HDAC9: variants seen among roughly 807,000 people sequenced by gnomAD.
HDAC9 encodes the protein MEF-2 interacting transcription repressor (MITR) protein.
HDAC9 carries 41 observed loss-of-function variants against 139.4 expected under a neutral mutation model. The observed-to-expected ratio is 0.29, with a 90% confidence interval of 0.23 to 0.38. The LOEUF is 0.38. Among genes scored for constraint, HDAC9 ranks in the 10% least tolerant of loss-of-function variants. The pLI is 1.00. For missense variants in HDAC9, 1,147 were observed against 1,297.0 expected (o/e 0.88, Z 1.78); for synonymous variants, 517 against 476.2 (o/e 1.09, Z -1.12).
chr7:18,991,494 A>G (rs1028917366), intron 25 of HDAC9, among the ~76,000 whole-genome samples: 33 of 152,098 alleles, frequency 2.2e-4, no homozygotes, highest in Admixed American at 2.6e-4. Flanking sequence ...AAAATTAGCC[A>G]GGTGTGGTGG....
chr7:18,584,081 A>C (rs1001051875), intron 2 of HDAC9, among the ~76,000 whole-genome samples: 1 of 150,742 alleles, frequency 6.6e-6, no homozygotes, highest in Non-Finnish European at 1.5e-5. Flanking sequence ...TAAATGGTAC[A>C]CCTGGATATC....
chr7:18,481,703 G>C (rs1563031639), intron 1 of HDAC9, among the ~76,000 whole-genome samples: 1 of 152,192 alleles, frequency 6.6e-6, no homozygotes. Flanking sequence ...TTCCTATATA[G>C]TTAAAGCAAA....
chr7:18,707,383 G>C lies in HDAC9; in HGVS notation c.1732-20197G>C, dbSNP rs1202043624. On this transcript the variant is annotated intron_variant, in intron 12 of 25. Transcript: ENST00000686413. Reference sequence around the variant, plus strand: ...AGAAGTCAATGTGGGGAGATAAAAAGTGTGGATTTATCTTCAGGAGGAATG... The same window carrying C: ...AGAAGTCAATGTGGGGAGATAAAAACTGTGGATTTATCTTCAGGAGGAATG... Among the ~76,000 whole-genome samples the C allele has an allele frequency of 3.3e-5, 5 of 152,324 alleles. No individual in the cohort carries two copies. The South Asian group carries it at 1.0e-3, about 32-fold the overall frequency.
chr7:18,768,933 T>C (rs1393324824), intron 16 of HDAC9, among the ~76,000 whole-genome samples: 1 of 152,196 alleles, frequency 6.6e-6, no homozygotes, highest in East Asian at 1.9e-4. Flanking sequence ...TATTATAAAA[T>C]AGGCTTTGTG....
chr7:18,174,990 C>T (rs1788767788), intron 2 of HDAC9, among the ~76,000 whole-genome samples: 1 of 152,202 alleles, frequency 6.6e-6, no homozygotes, highest in South Asian at 2.1e-4. Context: ...TCTCTTCAGG[C>T]CTGTCAGAAG....
rs544409454 is a variant in HDAC9, at chr7:18,503,062, A to AT, written c.22+6746dup. 8.5e-5 allele frequency among the ~76,000 whole-genome samples: 13 copies of AT among 152,114 alleles called. No individual in the cohort carries two copies. The South Asian group carries it at 1.7e-3, about 19-fold the overall frequency. ...GGAATGATAAGCACTACATTTTAAC[A>AT]TTTTTTTTCTGAATTTGAATGCTTT... On this transcript the variant is annotated intron_variant, in intron 2 of 25. Coordinates refer to ENST00000686413, the MANE Select transcript of HDAC9 (RefSeq NM_178425.4).
intron 2 of HDAC9, among the ~76,000 whole-genome samples, chr7:18,514,858 G>A (rs1802669734): frequency 6.6e-6 from 1 of 151,978 alleles, no homozygotes; most frequent in South Asian, 2.1e-4. Flanking sequence ...GAGGTGGGAG[G>A]GTTGCTTGAG....
In HDAC9 at chr7:18,326,693, A is replaced by G. The variant is rs150686314; in HGVS notation, c.-42+36178A>G. On this transcript the variant is annotated intron_variant, in intron 1 of 3. Coordinates refer to the HDAC9 transcript ENST00000413509. ...AATTATTGAGATTTTTAAAAACTCT[A>G]TTAGTGCTAGCTAAGACTTGTTTAC... 6.3e-4 allele frequency among the ~76,000 whole-genome samples: 96 copies of G among 152,144 alleles called. No homozygotes were observed. In the East Asian group the frequency reaches 0.016, roughly 26 times the overall value.
chr7:18,286,722 C>T (rs957040798), upstream of HDAC9, among the ~76,000 whole-genome samples: 2 of 151,988 alleles, frequency 1.3e-5, no homozygotes, highest in Non-Finnish European at 2.9e-5. Flanking sequence ...CATCATGACT[C>T]ATCTTCTAAT....
At chr7:18,988,257 G>A (rs995387403) in intron 25 of HDAC9, among the ~76,000 whole-genome samples, 3 of 152,044 alleles carry the variant, frequency 2.0e-5, no homozygotes, top group African/African-American at 7.2e-5. Flanking sequence ...ATTCGGGTAT[G>A]TTGTGTCTTT....
At chr7:18,507,634 C>T (rs972021034) in intron 2 of HDAC9, among the ~76,000 whole-genome samples, 8 of 152,026 alleles carry the variant, frequency 5.3e-5, no homozygotes, top group African/African-American at 1.7e-4. Flanking sequence ...TGGGATTACA[C>T]GCATGTGCCA....
intron 1 of HDAC9, among the ~76,000 whole-genome samples, chr7:18,132,678 A>G (rs538349135): frequency 6.6e-6 from 1 of 152,280 alleles, no homozygotes; most frequent in South Asian, 2.1e-4. Context: ...TGTTCCTTCA[A>G]CTAAGTTTAT....
At chr7:18,976,061 A>G (rs1025906804) in intron 25 of HDAC9, 108 bp downstream of exon 25, 7 of 1,147,856 alleles carry the variant, frequency 6.1e-6, no homozygotes, top group Non-Finnish European at 8.7e-6. Flanking sequence ...CTCCACTTCC[A>G]CCACCTGTCC....
At chr7:18,727,466 AC>A in intron 12 of HDAC9, 113 bp from the exon 13 acceptor site, 1 of 830,240 alleles carries the variant, frequency 1.2e-6, no homozygotes, top group East Asian at 3.1e-5. Context: ...TTTTTCCTTC[AC>A]ACCGTTTATT....
At position 18,634,732 on chromosome 7, in the gene HDAC9, C is replaced by T. The variant is rs1330288897; in HGVS notation, c.902C>T (p.Pro301Leu). Residue 301 changes from proline to leucine, a missense_variant, in exon 8 of 26, where the codon CCT (proline) becomes CTT (leucine). Physicochemically the swap from Pro to Leu is moderately conservative, Grantham distance 98. Transcript: ENST00000686413. ...ENETSVLPPTPHAEQMVSQQR... is the reference protein window; with the variant it reads ...ENETSVLPPTLHAEQMVSQQR... ...GAGACTTCGGTTTTGCCCCCTACCCCTCATGCCGAGGTAAGACCCTTATTA... is the reference window on the plus strand; with the variant it reads ...GAGACTTCGGTTTTGCCCCCTACCCTTCATGCCGAGGTAAGACCCTTATTA... 2 of 1,589,124 alleles carry T rather than the reference C, an allele frequency of 1.3e-6. No individual in the cohort carries two copies. Among genetic ancestry groups the T allele is most frequent in the Non-Finnish European group, 1.7e-6 (2 of 1,165,316 alleles).
intron 6 of HDAC9, among the ~76,000 whole-genome samples, chr7:18,603,064 A>G (rs1269725116): frequency 6.6e-6 from 1 of 152,088 alleles, no homozygotes; most frequent in Non-Finnish European, 1.5e-5. Context: ...CACCACTTTT[A>G]TCTTCGATAA....
At chr7:18,853,913 G>T (rs1436483704) in intron 21 of HDAC9, among the ~76,000 whole-genome samples, 1 of 152,066 alleles carries the variant, frequency 6.6e-6, no homozygotes, top group Non-Finnish European at 1.5e-5. Context: ...CACATGTCTG[G>T]TTATCTTAAG....
At chr7:18,788,481 G>A (rs1053534810) in intron 16 of HDAC9, among the ~76,000 whole-genome samples, 11 of 152,084 alleles carry the variant, frequency 7.2e-5, no homozygotes, top group Admixed American at 3.3e-4. Context: ...TTGGCTGAAC[G>A]CGGTGGTTCA....
Position 19,002,076 on chromosome 7 carries a change from C to T in HDAC9, c.*6014C>T, listed in dbSNP as rs1786779098. Reference sequence around the variant, plus strand: ...CTTAATTTTTTTTGGCTAGCATCACCAAGATCTGTCATCCAGAGCTGCTGA... The same window carrying T: ...CTTAATTTTTTTTGGCTAGCATCACTAAGATCTGTCATCCAGAGCTGCTGA... On this transcript the variant is annotated 3_prime_UTR_variant, in exon 26 of 26. Coordinates refer to ENST00000686413, the MANE Select transcript of HDAC9 (RefSeq NM_178425.4). The T allele has an allele frequency of 6.6e-6, 1 of 151,988 alleles. No homozygotes were observed. The highest frequency in any genetic ancestry group is 1.5e-5 in the Non-Finnish European group (1 of 67,948). The allele number at this position is 151,988 out of a possible 1,614,324, so 9.4% of individuals were successfully genotyped here. A position where few individuals can be genotyped will look rare whatever the true frequency, so the allele number is the denominator to read the frequency against.
Sources: allele counts gnomAD v4.1 joint callset (sites outside exome capture counted in the v4.1 genomes callset), GRCh38; gene constraint gnomAD v4.1.1; transcripts MANE v1.5; gene names NCBI Gene and HGNC (gene_info 2026-07-23, HGNC 2026-07-21).